Variants in SPOCK1 observed in about 807,000 individuals in gnomAD.
The protein encoded by SPOCK1 is testican-1.
A neutral mutation model predicts 55.3 loss-of-function variants in SPOCK1; 23 were observed. The observed-to-expected ratio is 0.42, with a 90% confidence interval of 0.30 to 0.59. SPOCK1 has a LOEUF of 0.59. Among genes scored for constraint, SPOCK1 ranks in the 20% least tolerant of loss-of-function variants. The pLI is 0.22. For missense variants in SPOCK1, 499 were observed against 552.5 expected (o/e 0.90, Z 0.97); for synonymous variants, 226 against 221.0 (o/e 1.02, Z -0.20).
At chr5:137,191,750 C>T (rs1755184199) in intron 3 of SPOCK1, among the ~76,000 whole-genome samples, 1 of 152,186 alleles carries the variant, frequency 6.6e-6, no homozygotes, top group Admixed American at 6.5e-5. Context: ...TGGCCAAGGT[C>T]ACTGGAGACG....
In SPOCK1 at chr5:137,431,264, G is replaced by C. The variant is rs1053445676; in HGVS notation, c.186+67109C>G. 3.3e-5 allele frequency among the ~76,000 whole-genome samples: 5 copies of C among 152,282 alleles called. 1 individual carries two copies. The South Asian group carries it at 1.0e-3, about 32-fold the overall frequency. The stretch of plus-strand genomic sequence containing the variant: ...TGTTACCTACAGCCAAACAGTCTTG[G>C]AATGCATGGTTCAGGAGATGATTAA... On this transcript the variant is annotated intron_variant, in intron 2 of 10. Transcript: ENST00000394945.
chr5:137,391,178 T>G (rs1751714804), intron 2 of SPOCK1, among the ~76,000 whole-genome samples: 1 of 152,186 alleles, frequency 6.6e-6, no homozygotes, highest in Non-Finnish European at 1.5e-5. Context: ...TGTGTTAGTT[T>G]GCTGAGAATG....
chr5:137,192,099 G>T (rs543301191), intron 3 of SPOCK1, among the ~76,000 whole-genome samples: 6 of 151,644 alleles, frequency 4.0e-5, no homozygotes, highest in Admixed American at 1.3e-4. Flanking sequence ...TTAGCTGGGC[G>T]TGGCGGCGTG....
intron 5 of SPOCK1, among the ~76,000 whole-genome samples, chr5:137,110,888 A>G (rs1753453964): frequency 6.6e-6 from 1 of 152,168 alleles, no homozygotes; most frequent in Non-Finnish European, 1.5e-5. Flanking sequence ...ATGATATGCT[A>G]TTGAATCCTA....
At chr5:137,386,943 A>T (rs1751610694) in intron 2 of SPOCK1, among the ~76,000 whole-genome samples, 1 of 152,156 alleles carries the variant, frequency 6.6e-6, no homozygotes, top group Non-Finnish European at 1.5e-5. Flanking sequence ...TATATAAAGA[A>T]CTCTTAAAAC....
At chr5:137,153,027 C>T (rs1490132366) in intron 3 of SPOCK1, among the ~76,000 whole-genome samples, 2 of 152,228 alleles carry the variant, frequency 1.3e-5, no homozygotes, top group African/African-American at 4.8e-5. Context: ...CAGTGTCTAT[C>T]CTCTTCACTG....
At chr5:137,356,063 C>G (rs1204555322) in intron 2 of SPOCK1, among the ~76,000 whole-genome samples, 1 of 152,212 alleles carries the variant, frequency 6.6e-6, no homozygotes, top group Non-Finnish European at 1.5e-5. Flanking sequence ...GATGCCTGAA[C>G]AGCCCTGCCC....
intron 3 of SPOCK1, among the ~76,000 whole-genome samples, chr5:137,167,284 A>T (rs10061637): frequency 0.021 from 3,207 of 152,202 alleles, 111 homozygotes; most frequent in African/African-American, 0.073. Flanking sequence ...TTATAAATCT[A>T]TTTGCACCCA....
intron 2 of SPOCK1, among the ~76,000 whole-genome samples, chr5:137,413,178 C>T (rs1752246141): frequency 6.6e-6 from 1 of 152,172 alleles, no homozygotes; most frequent in Admixed American, 6.5e-5. Context: ...TCTCAGTCAA[C>T]TCTGCTGAAT....
chr5:137,333,680 G>A (rs1451718531), intron 2 of SPOCK1, among the ~76,000 whole-genome samples: 2 of 152,226 alleles, frequency 1.3e-5, no homozygotes, highest in African/African-American at 2.4e-5. Flanking sequence ...ACTTGGCAAG[G>A]ATGTGCTGTA....
intron 2 of SPOCK1, among the ~76,000 whole-genome samples, chr5:137,477,722 G>C (rs1364961550): frequency 6.6e-6 from 1 of 152,182 alleles, no homozygotes; most frequent in Non-Finnish European, 1.5e-5. Flanking sequence ...AAACAGAGCT[G>C]CATTTTAACA....
At chr5:137,064,420 C>A (rs929666800) in intron 6 of SPOCK1, among the ~76,000 whole-genome samples, 1 of 152,044 alleles carries the variant, frequency 6.6e-6, no homozygotes, top group Non-Finnish European at 1.5e-5. Flanking sequence ...TTTTACAGAC[C>A]TGCATTTATA....
At chr5:137,043,595 A>T (rs1197691851) in intron 6 of SPOCK1, among the ~76,000 whole-genome samples, 1 of 152,206 alleles carries the variant, frequency 6.6e-6, no homozygotes, top group East Asian at 1.9e-4. Context: ...TGTAATTATG[A>T]CTTCATAGGA....
intron 2 of SPOCK1, among the ~76,000 whole-genome samples, chr5:137,396,267 C>A (rs956165149): frequency 1.3e-5 from 2 of 152,180 alleles, no homozygotes; most frequent in African/African-American, 4.8e-5. Flanking sequence ...GAAAACACCA[C>A]CAGCAAGCAT....
chr5:136,979,683 C>A (rs541001270), intron 9 of SPOCK1, among the ~76,000 whole-genome samples: 2 of 152,208 alleles, frequency 1.3e-5, no homozygotes, highest in East Asian at 3.9e-4. Context: ...AGTGTTTAAA[C>A]GGGAATGATA....
chr5:137,143,548 G>A (rs780696336), intron 3 of SPOCK1, among the ~76,000 whole-genome samples: 1 of 152,108 alleles, frequency 6.6e-6, no homozygotes, highest in Non-Finnish European at 1.5e-5. Context: ...TGTAAAAATG[G>A]GGATAATAAC....
chr5:137,076,607 TAAAAAAAAAAA>T, intron 5 of SPOCK1, among the ~76,000 whole-genome samples: 1 of 112,652 alleles, frequency 8.9e-6, no homozygotes, highest in South Asian at 2.9e-4. Flanking sequence ...GGACTGAAAG[TAAAAAAAAAAA>T]AAAAAAAAAA....
chr5:137,016,044 G>A (rs956654754), intron 6 of SPOCK1, among the ~76,000 whole-genome samples: 1 of 152,148 alleles, frequency 6.6e-6, no homozygotes, highest in Non-Finnish European at 1.5e-5. Context: ...AGTTAGGCAG[G>A]TCAACTTCAC....
intron 2 of SPOCK1, among the ~76,000 whole-genome samples, chr5:137,450,198 C>A (rs1753226211): frequency 6.6e-6 from 1 of 152,126 alleles, no homozygotes. Flanking sequence ...TAATAGTTTT[C>A]ACTCAAATTG....
Sources: allele counts gnomAD v4.1 joint callset (sites outside exome capture counted in the v4.1 genomes callset), GRCh38; gene constraint gnomAD v4.1.1; transcripts MANE v1.5; gene names NCBI Gene and HGNC (gene_info 2026-07-23, HGNC 2026-07-21).